Variants in MECOM observed in about 807,000 individuals in gnomAD.
The protein encoded by MECOM is histone-lysine N-methyltransferase MECOM.
MECOM carries 13 observed loss-of-function variants against 116.3 expected under a neutral mutation model. That is an observed-to-expected ratio of 0.11 (90% CI 0.07 to 0.18). MECOM has a LOEUF of 0.18. MECOM is among the 10% of genes least tolerant of loss of function. The pLI is 1.00. For synonymous variants in MECOM, 528 were observed against 535.2 expected, an observed-to-expected ratio of 0.99 and a Z score of 0.19; for missense variants, 1,299 against 1,509.0, an observed-to-expected ratio of 0.86 and a Z score of 2.31.
chr3:169,258,663 T>C (rs1169851807), intron 2 of MECOM, among the ~76,000 whole-genome samples: 3 of 152,202 alleles, frequency 2.0e-5, no homozygotes, highest in African/African-American at 7.2e-5. Context: ...AGGAATTATG[T>C]CTCGCTGTCT....
chr3:169,238,269 A>G (rs1284403011), intron 2 of MECOM, among the ~76,000 whole-genome samples: 1 of 152,160 alleles, frequency 6.6e-6, no homozygotes, highest in Non-Finnish European at 1.5e-5. Flanking sequence ...AAATGTTGAT[A>G]ATTAGCCCAC....
intron 1 of MECOM, among the ~76,000 whole-genome samples, chr3:169,390,732 G>A (rs1734078623): frequency 6.6e-6 from 1 of 152,142 alleles, no homozygotes; most frequent in South Asian, 2.1e-4. Flanking sequence ...CCTAAGTGTG[G>A]CTTGGTGGCT....
At chr3:169,555,917 T>A (rs1489395143) in intron 1 of MECOM, among the ~76,000 whole-genome samples, 1 of 152,238 alleles carries the variant, frequency 6.6e-6, no homozygotes, top group East Asian at 1.9e-4. Context: ...CTGAGCTTTT[T>A]AAAACAAAAT....
chr3:169,550,573 T>C (rs1046468188), intron 1 of MECOM, among the ~76,000 whole-genome samples: 13 of 152,378 alleles, frequency 8.5e-5, no homozygotes, highest in Middle Eastern at 6.8e-3. Flanking sequence ...AAGCATTACC[T>C]GCTTGTGCTT....
chr3:169,424,102 A>G (rs1019608355), intron 1 of MECOM, among the ~76,000 whole-genome samples: 1 of 152,114 alleles, frequency 6.6e-6, no homozygotes, highest in Non-Finnish European at 1.5e-5. Context: ...ATGACATTTC[A>G]TCATCTTCTC....
At chr3:169,530,317 T>C (rs1758460530) in intron 1 of MECOM, among the ~76,000 whole-genome samples, 1 of 152,200 alleles carries the variant, frequency 6.6e-6, no homozygotes, top group Non-Finnish European at 1.5e-5. Flanking sequence ...ACCTGGAGTG[T>C]GCATCTTTAA....
chr3:169,426,626 T>C (rs936347955), intron 1 of MECOM, among the ~76,000 whole-genome samples: 2 of 152,216 alleles, frequency 1.3e-5, no homozygotes, highest in Non-Finnish European at 2.9e-5. Context: ...TCTGCACTAA[T>C]AGCATGAAAC....
intron 1 of MECOM, among the ~76,000 whole-genome samples, chr3:169,593,821 CA>C (rs1766728729): frequency 1.3e-5 from 2 of 152,174 alleles, no homozygotes; most frequent in East Asian, 3.9e-4. Context: ...ATTCTTCATT[CA>C]AAAAACCACT....
rs536436664 is a variant in MECOM at position 169,237,933 on chromosome 3, T to C, written c.376-94101A>G. ...GGCTCACACCTGTAATCCCAGCAAT[T>C]TGGGAAGTCCAGGCAGGTGGATCAC... On this transcript the variant is annotated intron_variant, in intron 2 of 16. Coordinates refer to ENST00000651503, the MANE Select transcript of MECOM (RefSeq NM_004991.4). Among the ~76,000 whole-genome samples the C allele has an allele frequency of 1.6e-4, 24 of 152,088 alleles. No individual in the cohort carries two copies. The South Asian group carries it at 5.0e-3, about 32-fold the overall frequency.
At chr3:169,530,689 A>G (rs374585042) in intron 1 of MECOM, among the ~76,000 whole-genome samples, 3 of 152,278 alleles carry the variant, frequency 2.0e-5, no homozygotes, top group African/African-American at 4.8e-5. Context: ...CAGTTCTGCT[A>G]CTTACTGACT....
intron 1 of MECOM, among the ~76,000 whole-genome samples, chr3:169,435,519 CAT>C (rs748581575): frequency 1.4e-4 from 22 of 152,114 alleles, no homozygotes; most frequent in Admixed American, 2.6e-4. Flanking sequence ...AAAATGGAAA[CAT>C]ATGTTTTCTC....
intron 2 of MECOM, among the ~76,000 whole-genome samples, chr3:169,341,428 G>T (rs1295325545): frequency 1.9e-5 from 2 of 107,170 alleles, no homozygotes; most frequent in Non-Finnish European, 3.5e-5. Flanking sequence ...GGGTTAATAG[G>T]TTCAAAAAAA....
At chr3:169,602,830 T>C (rs992924040) in intron 1 of MECOM, among the ~76,000 whole-genome samples, 3 of 152,144 alleles carry the variant, frequency 2.0e-5, no homozygotes, top group African/African-American at 7.2e-5. Context: ...ATCCACAAGA[T>C]TGCAACTTAC....
intron 2 of MECOM, among the ~76,000 whole-genome samples, chr3:169,266,897 G>A (rs938763838): frequency 1.3e-5 from 2 of 151,732 alleles, no homozygotes; most frequent in Non-Finnish European, 2.9e-5. Context: ...AGGAAAAAAG[G>A]AAGGAAGGAA....
intron 1 of MECOM, among the ~76,000 whole-genome samples, chr3:169,631,637 G>C (rs1772106781): frequency 8.4e-6 from 1 of 118,446 alleles, no homozygotes; most frequent in Middle Eastern, 9.1e-3. Flanking sequence ...ACTGTCCCCA[G>C]AGTGTGATGT....
intron 2 of MECOM, among the ~76,000 whole-genome samples, chr3:169,249,738 A>G (rs75773561): frequency 0.014 from 2,142 of 152,272 alleles, 32 homozygotes; most frequent in Non-Finnish European, 0.018. Flanking sequence ...CTAGCATGCC[A>G]CCCCAGTATT....
In MECOM at chr3:169,485,914, T is replaced by C. The variant is rs546792855; in HGVS notation, c.38-104390A>G. Among the ~76,000 whole-genome samples, 477 of 61,882 alleles carry C rather than the reference T, an allele frequency of 7.7e-3. 29 individuals are homozygous for C. The highest frequency in any genetic ancestry group is 0.031 in the African/African-American group (455 of 14,632). 40.6% of individuals were successfully genotyped at this position (61,882 alleles called of 152,430 possible). A position where few individuals can be genotyped will look rare whatever the true frequency, so the allele number is the denominator to read the frequency against. On this transcript the variant is annotated intron_variant, in intron 1 of 16. Transcript: ENST00000651503. Reference sequence around the variant, plus strand: ...ATATAGTATATATAGTATATATGTATGTATATATAGTATATATAGTATATA... The same window carrying C: ...ATATAGTATATATAGTATATATGTACGTATATATAGTATATATAGTATATA...
intron 1 of MECOM, among the ~76,000 whole-genome samples, chr3:169,411,804 G>A (rs898654347): frequency 7.9e-5 from 12 of 151,518 alleles, no homozygotes; most frequent in East Asian, 2.0e-4. Flanking sequence ...CAGCCTGGCC[G>A]ACATGGCGAG....
At chr3:169,582,620 A>C (rs899871770) in intron 1 of MECOM, among the ~76,000 whole-genome samples, 2 of 152,202 alleles carry the variant, frequency 1.3e-5, no homozygotes, top group Non-Finnish European at 2.9e-5. Context: ...CAGCTCACAC[A>C]CTAGGGCCAA....
Sources: gnomAD v4.1 joint callset for allele counts (sites outside exome capture counted in the v4.1 genomes callset) on GRCh38, gnomAD v4.1.1 for gene constraint, MANE v1.5 for transcripts, NCBI Gene and HGNC (gene_info 2026-07-23, HGNC 2026-07-21) for gene names.